The following SGCZ variants were observed in gnomAD, a reference collection of about 807,000 sequenced individuals.
SGCZ encodes sarcoglycan zeta.
SGCZ carries 40 observed loss-of-function variants against 41.3 expected under a neutral mutation model. The ratio of observed to expected loss-of-function variants is 0.97; its 90% CI spans 0.75 to 1.26. SGCZ has a LOEUF of 1.26. SGCZ is among the 50% of genes most tolerant of loss of function. The probability of loss-of-function intolerance (pLI) is 0.00; values close to 1 mark genes in which losing one functional copy is unlikely to be tolerated. For synonymous variants in SGCZ, 206 were observed against 137.5 expected (o/e 1.50, Z -3.49); for missense variants, 552 against 369.8 (o/e 1.49, Z -4.04).
chr8:14,553,394 T>C (rs970408073), intron 2 of SGCZ, among the ~76,000 whole-genome samples: 23 of 152,092 alleles, frequency 1.5e-4, no homozygotes, highest in African/African-American at 5.3e-4. Flanking sequence ...GGGACGCATA[T>C]CCATGTCTAG....
intron 1 of SGCZ, among the ~76,000 whole-genome samples, chr8:14,637,637 G>A (rs1806877861): frequency 6.6e-6 from 1 of 151,770 alleles, no homozygotes; most frequent in African/African-American, 2.4e-5. Flanking sequence ...CCATGGTGCT[G>A]CAAAGGACAT....
intron 2 of SGCZ, among the ~76,000 whole-genome samples, chr8:14,394,154 T>C (rs1367859885): frequency 9.2e-4 from 89 of 96,508 alleles, no homozygotes; most frequent in African/African-American, 2.4e-3. Flanking sequence ...TTTTTTTTTT[T>C]TTTTTTTTTT....
At chr8:15,012,841 T>G (rs377522350) in intron 1 of SGCZ, among the ~76,000 whole-genome samples, 12 of 151,242 alleles carry the variant, frequency 7.9e-5, no homozygotes, top group African/African-American at 2.9e-4. Flanking sequence ...TCAACATTTC[T>G]TTTTCAGTAA....
chr8:15,093,741 C>T (rs781782079), intron 1 of SGCZ, among the ~76,000 whole-genome samples: 10 of 152,238 alleles, frequency 6.6e-5, no homozygotes, highest in Middle Eastern at 3.4e-3. Flanking sequence ...TGATTTATGA[C>T]GATTTGACGA....
At chr8:14,190,296 G>C (rs1805055081) in intron 4 of SGCZ, among the ~76,000 whole-genome samples, 1 of 151,976 alleles carries the variant, frequency 6.6e-6, no homozygotes, top group African/African-American at 2.4e-5. Context: ...ACAGGCGTGA[G>C]CCACAGCACC....
intron 5 of SGCZ, among the ~76,000 whole-genome samples, chr8:14,163,528 T>C (rs1188201040): frequency 6.6e-6 from 1 of 152,164 alleles, no homozygotes; most frequent in African/African-American, 2.4e-5. Context: ...TTAATAAATA[T>C]AAAGAGCCAA....
intron 2 of SGCZ, among the ~76,000 whole-genome samples, chr8:14,335,984 A>G (rs1206174627): frequency 3.9e-5 from 6 of 152,042 alleles, no homozygotes; most frequent in African/African-American, 1.2e-4. Flanking sequence ...CTCATGTCAT[A>G]GGGGTTTGTT....
At chr8:14,211,703 A>T (rs1201993139) in intron 4 of SGCZ, among the ~76,000 whole-genome samples, 2 of 152,066 alleles carry the variant, frequency 1.3e-5, no homozygotes, top group African/African-American at 4.8e-5. Flanking sequence ...CTTTTAAACC[A>T]TCACATCTCG....
intron 1 of SGCZ, among the ~76,000 whole-genome samples, chr8:15,026,057 T>C (rs149976758): frequency 1.4e-3 from 211 of 152,150 alleles, no homozygotes; most frequent in African/African-American, 4.3e-3. Context: ...ACAAAAGTCA[T>C]ACTCCACGCG....
At chr8:15,144,259 AT>A (rs1211036656) in intron 1 of SGCZ, among the ~76,000 whole-genome samples, 1 of 152,174 alleles carries the variant, frequency 6.6e-6, no homozygotes, top group Non-Finnish European at 1.5e-5. Context: ...TTTCTTATGC[AT>A]TTTTAATGTA....
intron 1 of SGCZ, among the ~76,000 whole-genome samples, chr8:14,677,498 G>A (rs1237658621): frequency 3.3e-5 from 5 of 152,220 alleles, no homozygotes; most frequent in East Asian, 1.9e-4. Context: ...TGGGCCGGGC[G>A]GGGTGGCTCA....
At chr8:14,981,041 T>C (rs760997698) in intron 1 of SGCZ, among the ~76,000 whole-genome samples, 2 of 152,150 alleles carry the variant, frequency 1.3e-5, no homozygotes, top group African/African-American at 2.4e-5. Context: ...CCCTACTAAA[T>C]CTTAATTAAA....
At chr8:14,553,053 C>T (rs566696378) in intron 2 of SGCZ, among the ~76,000 whole-genome samples, 2 of 151,906 alleles carry the variant, frequency 1.3e-5, no homozygotes, top group African/African-American at 2.4e-5. Flanking sequence ...ATGTTTTCAG[C>T]AACTGATAGT....
At chr8:14,429,917 C>A (rs1303419076) in intron 2 of SGCZ, among the ~76,000 whole-genome samples, 1 of 152,018 alleles carries the variant, frequency 6.6e-6, no homozygotes, top group Admixed American at 6.6e-5. Flanking sequence ...ATGTATCTAT[C>A]TCCTCTAGTT....
At chr8:14,705,196 T>C (rs1809295489) in intron 1 of SGCZ, among the ~76,000 whole-genome samples, 1 of 151,884 alleles carries the variant, frequency 6.6e-6, no homozygotes, top group Non-Finnish European at 1.5e-5. Flanking sequence ...AATGATTTAG[T>C]TGAATATTTT....
intron 1 of SGCZ, among the ~76,000 whole-genome samples, chr8:14,781,444 GTCT>G (rs1800584714): frequency 3.9e-5 from 6 of 151,950 alleles, no homozygotes; most frequent in African/African-American, 1.5e-4. Context: ...AACCAGGCTG[GTCT>G]CAAACCCCTG....
intron 2 of SGCZ, among the ~76,000 whole-genome samples, chr8:14,469,334 A>T (rs1279351027): frequency 6.6e-6 from 1 of 152,008 alleles, no homozygotes; most frequent in African/African-American, 2.4e-5. Flanking sequence ...ATATGACCTT[A>T]AATACAGCTT....
intron 1 of SGCZ, among the ~76,000 whole-genome samples, chr8:14,640,264 T>C (rs1483021179): frequency 1.3e-5 from 2 of 151,760 alleles, no homozygotes; most frequent in Non-Finnish European, 2.9e-5. Flanking sequence ...TTTTCTAAAA[T>C]CTGTTGCTAT....
At chr8:14,659,415 C>A (rs1807676950) in intron 1 of SGCZ, among the ~76,000 whole-genome samples, 1 of 152,056 alleles carries the variant, frequency 6.6e-6, no homozygotes, top group Admixed American at 6.6e-5. Context: ...ATATTGATTT[C>A]TTTTATAATT....
Sources: gnomAD v4.1 joint callset for allele counts (sites outside exome capture counted in the v4.1 genomes callset) on GRCh38, gnomAD v4.1.1 for gene constraint, MANE v1.5 for transcripts, NCBI Gene and HGNC (gene_info 2026-07-23, HGNC 2026-07-21) for gene names.